The following ARL15 variants were observed in gnomAD, a reference collection of about 807,000 sequenced individuals.
ARL15 encodes ADP-ribosylation factor-like protein 15.
ARL15 carries 19 observed loss-of-function variants against 25.2 expected under a neutral mutation model. That is an observed-to-expected ratio of 0.75 (90% confidence interval 0.53 to 1.10). The LOEUF (loss-of-function observed/expected upper bound fraction) is 1.10, where lower values mean the gene tolerates loss of function less well. ARL15 is among the 50% of genes least tolerant of loss of function. The pLI, the probability that ARL15 is intolerant of heterozygous loss-of-function variation, is 0.00. For missense variants in ARL15, 220 were observed against 246.0 expected (o/e 0.89, Z 0.71); for synonymous variants, 94 against 86.8 (o/e 1.08, Z -0.46).
chr5:54,023,153 T>C (rs1749668645), intron 4 of ARL15, among the ~76,000 whole-genome samples: 1 of 152,080 alleles, frequency 6.6e-6, no homozygotes, highest in South Asian at 2.1e-4. Context: ...AATTATATTA[T>C]AAATGAGGAG....
At chr5:54,094,089 C>A (rs1020455028) in intron 4 of ARL15, among the ~76,000 whole-genome samples, 1 of 152,126 alleles carries the variant, frequency 6.6e-6, no homozygotes, top group African/African-American at 2.4e-5. Flanking sequence ...AGACTTGAGG[C>A]ATATAGGCCA....
At chr5:53,922,937 C>T (rs1745902992) in intron 4 of ARL15, among the ~76,000 whole-genome samples, 1 of 152,188 alleles carries the variant, frequency 6.6e-6, no homozygotes, top group African/African-American at 2.4e-5. Flanking sequence ...GACTGACTGA[C>T]ATTTATTGAA....
chr5:54,247,849 A>G (rs67012013), intron 1 of ARL15, among the ~76,000 whole-genome samples: 10,336 of 152,188 alleles, frequency 0.068, 450 homozygotes, highest in African/African-American at 0.11. Flanking sequence ...AATCACAGAA[A>G]AAAATAAATA....
At chr5:54,146,269 C>T (rs1306291751) in intron 3 of ARL15, among the ~76,000 whole-genome samples, 1 of 151,622 alleles carries the variant, frequency 6.6e-6, no homozygotes, top group Non-Finnish European at 1.5e-5. Flanking sequence ...GTGAACAATG[C>T]TACATAATCC....
At chr5:54,103,269 C>T (rs1284327547) in intron 4 of ARL15, among the ~76,000 whole-genome samples, 2 of 152,082 alleles carry the variant, frequency 1.3e-5, no homozygotes, top group South Asian at 4.2e-4. Context: ...ATAACAAACA[C>T]AGCAAAGACC....
At chr5:54,131,466 C>A (rs977873575) in intron 3 of ARL15, among the ~76,000 whole-genome samples, 11 of 152,140 alleles carry the variant, frequency 7.2e-5, no homozygotes, top group African/African-American at 2.7e-4. Flanking sequence ...GCATTAAATG[C>A]CATCTGTACC....
chr5:54,274,545 A>G (rs1757875699), intron 1 of ARL15, among the ~76,000 whole-genome samples: 1 of 152,206 alleles, frequency 6.6e-6, no homozygotes, highest in Admixed American at 6.5e-5. Context: ...GAAAGGTGGT[A>G]TGCTAGCCAG....
At chr5:53,956,675 CAG>C (rs1747168176) in intron 4 of ARL15, among the ~76,000 whole-genome samples, 2 of 151,556 alleles carry the variant, frequency 1.3e-5, no homozygotes, top group Admixed American at 1.3e-4. Flanking sequence ...AATAAAGAGA[CAG>C]AAATTATAAA....
intron 3 of ARL15, among the ~76,000 whole-genome samples, chr5:54,123,196 G>A (rs925984295): frequency 2.0e-5 from 3 of 150,228 alleles, no homozygotes; most frequent in Non-Finnish European, 3.0e-5. Context: ...TGCAACCTCT[G>A]CCTCCCGGGT....
At chr5:54,216,630 T>C (rs911114583) in intron 1 of ARL15, among the ~76,000 whole-genome samples, 12 of 142,470 alleles carry the variant, frequency 8.4e-5, no homozygotes, top group African/African-American at 2.9e-4. Flanking sequence ...TGTATATGTA[T>C]GTGTACACAC....
At chr5:54,261,976 A>G (rs901787391) in intron 1 of ARL15, among the ~76,000 whole-genome samples, 12 of 152,338 alleles carry the variant, frequency 7.9e-5, no homozygotes, top group African/African-American at 2.9e-4. Flanking sequence ...GGGATAATGT[A>G]TGTTTTCAAT....
intron 1 of ARL15, among the ~76,000 whole-genome samples, chr5:54,221,961 G>T (rs184389602): frequency 6.6e-6 from 1 of 152,158 alleles, no homozygotes; most frequent in East Asian, 1.9e-4. Context: ...GAAAAGGCAA[G>T]AGAAATTTAA....
intron 1 of ARL15, among the ~76,000 whole-genome samples, chr5:54,187,430 C>T (rs746283986): frequency 1.3e-5 from 2 of 152,198 alleles, no homozygotes; most frequent in Non-Finnish European, 2.9e-5. Context: ...ACTGGCCCAA[C>T]AGACAGCAGA....
intron 4 of ARL15, among the ~76,000 whole-genome samples, chr5:53,974,602 C>T (rs1175346249): frequency 6.6e-6 from 1 of 152,140 alleles, no homozygotes; most frequent in Non-Finnish European, 1.5e-5. Context: ...ATCTTCTTGT[C>T]TAACATCATT....
intron 1 of ARL15, among the ~76,000 whole-genome samples, chr5:54,173,369 AG>A (rs1221297086): frequency 2.6e-5 from 4 of 152,046 alleles, no homozygotes; most frequent in Non-Finnish European, 5.9e-5. Context: ...AAAGAGGGAA[AG>A]GGGGAGACAG....
At chr5:54,177,424 CA>C (rs375533392) in intron 1 of ARL15, among the ~76,000 whole-genome samples, 1 of 152,076 alleles carries the variant, frequency 6.6e-6, no homozygotes, top group African/African-American at 2.4e-5. Context: ...AAGGTGACTA[CA>C]AATATTGGAA....
At chr5:53,983,176 A>G (rs1748181857) in intron 4 of ARL15, among the ~76,000 whole-genome samples, 1 of 152,092 alleles carries the variant, frequency 6.6e-6, no homozygotes, top group South Asian at 2.1e-4. Context: ...TAAGATAGAG[A>G]CTGTATAATC....
At chr5:54,146,377 T>C (rs1753911342) in intron 3 of ARL15, among the ~76,000 whole-genome samples, 1 of 152,154 alleles carries the variant, frequency 6.6e-6, no homozygotes, top group African/African-American at 2.4e-5. Flanking sequence ...ACGTTATACT[T>C]AAACAAGAGA....
intron 1 of ARL15, among the ~76,000 whole-genome samples, chr5:54,211,470 T>A (rs993548245): frequency 2.0e-5 from 3 of 148,786 alleles, no homozygotes; most frequent in African/African-American, 7.5e-5. Context: ...TGAAACACTT[T>A]TTTTTTTTTT....
Sources: gnomAD v4.1 joint callset for allele counts (sites outside exome capture counted in the v4.1 genomes callset) on GRCh38, gnomAD v4.1.1 for gene constraint, MANE v1.5 for transcripts, NCBI Gene and HGNC (gene_info 2026-07-23, HGNC 2026-07-21) for gene names.